GSK3B: variants seen among roughly 807,000 people sequenced by gnomAD.
GSK3B encodes the protein glycogen synthase kinase 3 beta, also known as glycogen synthase kinase-3 beta.
Under a neutral mutation model 56.4 loss-of-function variants are expected in GSK3B, and 15 were observed. The observed-to-expected ratio is 0.27, with a 90% CI of 0.18 to 0.41. GSK3B has a LOEUF of 0.41. Ranked by LOEUF, GSK3B falls within the 10% of genes least tolerant of loss-of-function variation. The pLI, the probability that GSK3B is intolerant of heterozygous loss-of-function variation, is 1.00. For synonymous variants in GSK3B, 181 were observed against 188.9 expected (o/e 0.96, Z 0.34); for missense variants, 300 against 513.4 (o/e 0.58, Z 4.02).
In GSK3B at chr3:120,007,577, G is replaced by C. The variant is rs140460034; in HGVS notation, c.89-5338C>G. 1.0e-3 allele frequency among the ~76,000 whole-genome samples: 154 copies of C among 152,292 alleles called. 2 individuals carry two copies. The East Asian group carries it at 0.029, about 28-fold the overall frequency. ...CAAAAAGCTTATCCACCACGATCAA[G>C]TCGGCTTCATCCCTGGGATGACAGG... On this transcript the variant is annotated intron_variant, in intron 1 of 10. Coordinates refer to ENST00000264235, the MANE Select transcript of GSK3B (RefSeq NM_001146156.2).
intron 1 of GSK3B, among the ~76,000 whole-genome samples, chr3:120,009,748 T>C (rs1036907132): frequency 1.3e-5 from 2 of 151,842 alleles, no homozygotes; most frequent in Admixed American, 6.6e-5. Context: ...AGATGACGGG[T>C]TGATGGGTGC....
intron 9 of GSK3B, among the ~76,000 whole-genome samples, chr3:119,849,122 T>A (rs2055894284): frequency 6.6e-6 from 1 of 152,178 alleles, no homozygotes; most frequent in African/African-American, 2.4e-5. Flanking sequence ...AAAAAAAGCA[T>A]TAATATGTGG....
At chr3:119,985,475 C>T (rs1189497720) in intron 2 of GSK3B, among the ~76,000 whole-genome samples, 1 of 152,202 alleles carries the variant, frequency 6.6e-6, no homozygotes, top group Non-Finnish European at 1.5e-5. Context: ...TGATAACCAA[C>T]TTCAGCAAAG....
chr3:119,838,705 T>C lies in GSK3B; in HGVS notation c.1195+4550A>G, dbSNP rs945453605. Among the ~76,000 whole-genome samples the C allele has an allele frequency of 2.0e-5, 3 of 152,334 alleles. 1 individual carries two copies. The South Asian group carries it at 6.2e-4, about 32-fold the overall frequency. ...CCTACTGTTGACCATTCAGGTTACATTGGCTCTCCTTTTTGTTATATATTA... is the reference window on the plus strand; with the variant it reads ...CCTACTGTTGACCATTCAGGTTACACTGGCTCTCCTTTTTGTTATATATTA... On this transcript the variant is annotated intron_variant, in intron 10 of 10. Coordinates refer to ENST00000264235, the MANE Select transcript of GSK3B (RefSeq NM_001146156.2).
chr3:119,875,406 T>C (rs2056299356), intron 8 of GSK3B, among the ~76,000 whole-genome samples: 3 of 152,078 alleles, frequency 2.0e-5, no homozygotes. Context: ...TGAATTTAAT[T>C]GTATATAAAA....
At chr3:120,059,983 A>C (rs994342899) in intron 1 of GSK3B, among the ~76,000 whole-genome samples, 3 of 152,214 alleles carry the variant, frequency 2.0e-5, no homozygotes, top group African/African-American at 7.2e-5. Context: ...TTCAAAAAAA[A>C]TTTTACTGAA....
chr3:119,880,003 T>G (rs1017977702), intron 7 of GSK3B, among the ~76,000 whole-genome samples: 1 of 152,182 alleles, frequency 6.6e-6, no homozygotes, highest in African/African-American at 2.4e-5. Context: ...GATTGCTAGA[T>G]GGTAGGCAGC....
intron 1 of GSK3B, among the ~76,000 whole-genome samples, chr3:120,014,219 C>T (rs1294480251): frequency 6.6e-6 from 1 of 151,720 alleles, no homozygotes; most frequent in Non-Finnish European, 1.5e-5. Flanking sequence ...ATCTGCAATC[C>T]CAGCACTTTG....
intron 2 of GSK3B, among the ~76,000 whole-genome samples, chr3:119,968,763 AC>A (rs2057341071): frequency 6.6e-6 from 1 of 152,162 alleles, no homozygotes; most frequent in Non-Finnish European, 1.5e-5. Flanking sequence ...AAAAAATAAA[AC>A]TGTCTTTGCT....
intron 7 of GSK3B, among the ~76,000 whole-genome samples, chr3:119,898,952 G>A (rs1163480960): frequency 2.0e-5 from 3 of 152,112 alleles, no homozygotes; most frequent in Non-Finnish European, 4.4e-5. Context: ...GATGTGAGAT[G>A]ATAAAATGCC....
At chr3:120,016,553 G>A (rs181501436) in intron 1 of GSK3B, among the ~76,000 whole-genome samples, 1 of 152,222 alleles carries the variant, frequency 6.6e-6, no homozygotes, top group East Asian at 1.9e-4. Flanking sequence ...TAAGAGATGG[G>A]TATTTAGGCC....
chr3:119,850,050 GATGT>G (rs71933764), intron 9 of GSK3B, among the ~76,000 whole-genome samples: 4 of 151,198 alleles, frequency 2.6e-5, no homozygotes, highest in South Asian at 2.1e-4. Context: ...TAAATCTATA[GATGT>G]ATGTATGTAT....
intron 7 of GSK3B, among the ~76,000 whole-genome samples, chr3:119,901,759 A>C (rs904232600): frequency 1.3e-5 from 2 of 152,192 alleles, no homozygotes; most frequent in Admixed American, 1.3e-4. Flanking sequence ...CAGATATTAA[A>C]ACATAAGAAT....
At chr3:120,073,520 T>C (rs1297586986) in intron 1 of GSK3B, among the ~76,000 whole-genome samples, 1 of 152,224 alleles carries the variant, frequency 6.6e-6, no homozygotes, top group Non-Finnish European at 1.5e-5. Flanking sequence ...GCAAGGTATT[T>C]GCTCTTAAAA....
intron 1 of GSK3B, among the ~76,000 whole-genome samples, chr3:120,051,813 T>A (rs10934507): frequency 0.24 from 36,469 of 151,234 alleles, 4,799 homozygotes; most frequent in East Asian, 0.48. Context: ...ACTGCAGATA[T>A]GAAGAGACTT....
At chr3:119,861,645 G>A (rs1196087102) in intron 9 of GSK3B, among the ~76,000 whole-genome samples, 1 of 152,054 alleles carries the variant, frequency 6.6e-6, no homozygotes, top group Non-Finnish European at 1.5e-5. Flanking sequence ...TAACAATAGC[G>A]ATTTACAAAG....
intron 9 of GSK3B, among the ~76,000 whole-genome samples, chr3:119,855,969 A>G (rs947928049): frequency 2.0e-5 from 3 of 152,218 alleles, no homozygotes; most frequent in Admixed American, 2.0e-4. Context: ...CTAGAACTTA[A>G]AGTATAATAA....
At chr3:119,931,777 G>GC (rs1331372573) in intron 3 of GSK3B, among the ~76,000 whole-genome samples, 1 of 152,086 alleles carries the variant, frequency 6.6e-6, no homozygotes, top group East Asian at 1.9e-4. Context: ...AAGAGTCAAT[G>GC]CCAGAAGTCC....
chr3:119,973,354 A>T (rs996270765), intron 2 of GSK3B, among the ~76,000 whole-genome samples: 1 of 152,200 alleles, frequency 6.6e-6, no homozygotes, highest in Non-Finnish European at 1.5e-5. Context: ...TCCCACTAGG[A>T]ATATAAATCC....
Sources: gnomAD v4.1 joint callset for allele counts (sites outside exome capture counted in the v4.1 genomes callset) on GRCh38, gnomAD v4.1.1 for gene constraint, MANE v1.5 for transcripts, NCBI Gene and HGNC (gene_info 2026-07-23, HGNC 2026-07-21) for gene names.